The following GYPB variants were observed in gnomAD, a reference collection of about 807,000 sequenced individuals.
GYPB encodes the protein glycophorin-B.
In GYPB, 13 loss-of-function variants were observed where a neutral mutation model predicts 15.3. The observed-to-expected ratio is 0.85, with a 90% CI of 0.55 to 1.35. The LOEUF is 1.35. Among genes scored for constraint, GYPB ranks in the 40% most tolerant of loss-of-function variants. The probability of loss-of-function intolerance (pLI) is 0.00; values close to 1 mark genes in which losing one functional copy is unlikely to be tolerated. For missense variants in GYPB, 131 were observed against 108.3 expected (o/e 1.21, Z -0.93); for synonymous variants, 38 against 36.9 (o/e 1.03, Z -0.11).
At chr4:143,997,488 C>A in intron 4 of GYPB, 52 bp downstream of exon 4, 1 of 976,248 alleles carries the variant, frequency 1.0e-6, no homozygotes, top group Non-Finnish European at 1.7e-6. Flanking sequence ...ATAAACCCTC[C>A]TAGAGCTGTT....
At chr4:144,009,855 C>T (rs368671871) in intron 1 of GYPB, among the ~76,000 whole-genome samples, 76 of 150,672 alleles carry the variant, frequency 5.0e-4, no homozygotes, top group Middle Eastern at 3.4e-3. Context: ...CCTCGTGATC[C>T]GCCCACCTCA....
At chr4:144,009,700 G>A (rs1246584781) in intron 1 of GYPB, among the ~76,000 whole-genome samples, 2 of 119,048 alleles carry the variant, frequency 1.7e-5, no homozygotes, top group Non-Finnish European at 1.6e-5. Context: ...TGCAAACTCC[G>A]CCTCCCGGGT....
intron 1 of GYPB, among the ~76,000 whole-genome samples, chr4:144,016,225 G>A (rs1208470802): frequency 6.7e-6 from 1 of 148,552 alleles, no homozygotes. Flanking sequence ...GTACCTGCAG[G>A]GGTATGAGTC....
chr4:144,008,885 C>T (rs1728068447), intron 1 of GYPB, among the ~76,000 whole-genome samples: 1 of 151,442 alleles, frequency 6.6e-6, no homozygotes, highest in South Asian at 2.1e-4. Context: ...AGAACAACTG[C>T]TCCAGTTGGT....
At chr4:144,002,248 G>A (rs972431731) in intron 1 of GYPB, among the ~76,000 whole-genome samples, 3 of 151,416 alleles carry the variant, frequency 2.0e-5, no homozygotes, top group Non-Finnish European at 2.9e-5. Flanking sequence ...CTGATGCAAT[G>A]TTGAACATTT....
At position 143,996,172 on chromosome 4, in the gene GYPB, G is replaced by C; in HGVS notation, c.*127C>G. ...ACAGTAATAGTGAGGCAGGAGAACA[G>C]GGAATTAGGATAGCCAGGGGTAGGG... On this transcript the variant is annotated 3_prime_UTR_variant, in exon 5 of 5. Transcript: ENST00000502664. The C allele has an allele frequency of 6.5e-7, 1 of 1,531,860 alleles. No individual in the cohort carries two copies. The highest frequency in any genetic ancestry group is 8.8e-7 in the Non-Finnish European group (1 of 1,135,228). 94.9% of individuals were successfully genotyped at this position (1,531,860 alleles called of 1,614,324 possible). A position where few individuals can be genotyped will look rare whatever the true frequency, so the allele number is the denominator to read the frequency against.
intron 1 of GYPB, chr4:144,002,674 C>T (rs1727689929): frequency 7.8e-7 from 1 of 1,286,240 alleles, no homozygotes; most frequent in African/African-American, 1.6e-5. Flanking sequence ...CTTGGCCCCT[C>T]AGCTGAATGC....
intron 1 of GYPB, among the ~76,000 whole-genome samples, chr4:144,003,295 A>G (rs1274169618): frequency 2.6e-5 from 4 of 151,276 alleles, no homozygotes; most frequent in Non-Finnish European, 4.4e-5. Context: ...AGGATAACTT[A>G]GGGGAAAAAA....
intron 4 of GYPB, among the ~76,000 whole-genome samples, chr4:143,996,825 A>T (rs961104849): frequency 2.0e-4 from 31 of 151,398 alleles, no homozygotes; most frequent in Non-Finnish European, 3.8e-4. Context: ...GATGTTAAGA[A>T]TTCATGGGTG....
intron 3 of GYPB, 30 bp from the exon 4 acceptor site, chr4:143,997,664 T>G (rs770717836): frequency 3.7e-6 from 4 of 1,081,396 alleles, no homozygotes; most frequent in Non-Finnish European, 5.7e-6. Flanking sequence ...TATGAAAGTC[T>G]GAAATAAATG....
chr4:144,012,006 A>T (rs1310064181), intron 1 of GYPB, among the ~76,000 whole-genome samples: 2 of 152,118 alleles, frequency 1.3e-5, no homozygotes, highest in African/African-American at 2.4e-5. Flanking sequence ...AAATATAATG[A>T]TGACTGGGAA....
chr4:144,006,952 CTAA>C (rs1727951030), intron 1 of GYPB, among the ~76,000 whole-genome samples: 1 of 150,800 alleles, frequency 6.6e-6, no homozygotes, highest in African/African-American at 2.5e-5. Context: ...CTTGCCTGTG[CTAA>C]AAGATGTTTG....
intron 1 of GYPB, among the ~76,000 whole-genome samples, chr4:144,011,204 A>G (rs1164802239): frequency 1.1e-4 from 17 of 151,016 alleles, no homozygotes; most frequent in Admixed American, 1.1e-3. Flanking sequence ...ACACGGTGAA[A>G]CCCCGTGTCT....
intron 1 of GYPB, among the ~76,000 whole-genome samples, chr4:144,018,851 C>G (rs1728640104): frequency 6.6e-6 from 1 of 151,064 alleles, no homozygotes; most frequent in Admixed American, 6.6e-5. Context: ...GGAAATTACA[C>G]CTTTTGAAAA....
In GYPB at chr4:144,008,041, A is replaced by C. The variant is rs192765291; in HGVS notation, c.38-6758T>G. ...TTAACACTTACTGCACACTTACTTC[A>C]TTCCACACATCTCTCTAACCATTTT... On this transcript the variant is annotated intron_variant, in intron 1 of 4. Transcript: ENST00000502664. Among the ~76,000 whole-genome samples, 29 of 151,450 alleles carry C rather than the reference A, an allele frequency of 1.9e-4. 3 individuals carry two copies. The highest frequency in any genetic ancestry group is 6.9e-4 in the African/African-American group (28 of 40,712).
rs778434179 is a variant in GYPB, at chr4:144,011,241, G to A, written c.37+8010C>T. On this transcript the variant is annotated intron_variant, in intron 1 of 4. Coordinates refer to ENST00000502664, the MANE Select transcript of GYPB (RefSeq NM_002100.6). Reference sequence around the variant, plus strand: ...CTGAAATACAAAAAATTAACTGGGCGTGGTGGTGTGCGCCTGTATTGTCAG... The same window carrying A: ...CTGAAATACAAAAAATTAACTGGGCATGGTGGTGTGCGCCTGTATTGTCAG... 4.6e-5 allele frequency among the ~76,000 whole-genome samples: 7 copies of A among 151,270 alleles called. 1 individual carries two copies. Among genetic ancestry groups the A allele is most frequent in the African/African-American group, 7.4e-5 (3 of 40,570 alleles).
intron 1 of GYPB, among the ~76,000 whole-genome samples, chr4:144,011,814 A>G (rs2149967169): frequency 6.6e-6 from 1 of 151,470 alleles, no homozygotes; most frequent in South Asian, 2.1e-4. Flanking sequence ...TCCTGATACA[A>G]TGTTTTTGAA....
intron 1 of GYPB, among the ~76,000 whole-genome samples, chr4:144,011,862 G>C (rs1285581695): frequency 6.6e-6 from 1 of 151,288 alleles, no homozygotes; most frequent in Non-Finnish European, 1.5e-5. Context: ...AAGGTAGCAA[G>C]GGGAGAACTT....
At chr4:143,997,292 A>G (rs941259064) in intron 4 of GYPB, 9 of 346,256 alleles carry the variant, frequency 2.6e-5, no homozygotes, top group African/African-American at 2.0e-4. Flanking sequence ...AAGTTAGACA[A>G]AAACTTAGGG....
Sources: gnomAD v4.1 joint callset for allele counts (sites outside exome capture counted in the v4.1 genomes callset) on GRCh38, gnomAD v4.1.1 for gene constraint, MANE v1.5 for transcripts, NCBI Gene and HGNC (gene_info 2026-07-23, HGNC 2026-07-21) for gene names.